JMJD1C: variants seen among roughly 807,000 people sequenced by gnomAD.
JMJD1C encodes the protein jumonji domain-containing protein 1C.
In JMJD1C, 31 loss-of-function variants were observed where a neutral mutation model predicts 245.3. That is an observed-to-expected ratio of 0.13 (90% CI 0.09 to 0.17). The LOEUF is 0.17. Ranked by LOEUF, JMJD1C falls within the 10% of genes least tolerant of loss-of-function variation. The probability of loss-of-function intolerance (pLI) is 1.00; values close to 1 mark genes in which losing one functional copy is unlikely to be tolerated. For missense variants in JMJD1C, 2,691 were observed against 3,000.2 expected, an observed-to-expected ratio of 0.90 and a Z score of 2.41; for synonymous variants, 1,057 against 1,017.4, an observed-to-expected ratio of 1.04 and a Z score of -0.74.
intron 1 of JMJD1C, among the ~76,000 whole-genome samples, chr10:63,497,638 T>A (rs1207795834): frequency 1.3e-5 from 2 of 152,212 alleles, no homozygotes. Context: ...TTACATGGTA[T>A]GTGAATTATG....
intron 2 of JMJD1C, among the ~76,000 whole-genome samples, chr10:63,333,826 A>G (rs756136907): frequency 1.9e-4 from 29 of 152,204 alleles, no homozygotes; most frequent in Non-Finnish European, 2.9e-4. Flanking sequence ...AATGAAACAT[A>G]AGGGTCATTT....
At chr10:63,284,172 G>A (rs144788584) in intron 2 of JMJD1C, among the ~76,000 whole-genome samples, 171 of 152,024 alleles carry the variant, frequency 1.1e-3, no homozygotes, top group African/African-American at 4.0e-3. Flanking sequence ...ATACAGGCGC[G>A]CACCAACACG....
intron 2 of JMJD1C, among the ~76,000 whole-genome samples, chr10:63,374,898 T>C (rs1946600142): frequency 1.4e-5 from 2 of 145,078 alleles, no homozygotes; most frequent in Admixed American, 1.3e-4. Flanking sequence ...ATTCATTTAT[T>C]AGTTCCAGTA....
intron 2 of JMJD1C, among the ~76,000 whole-genome samples, chr10:63,288,966 T>C (rs1193895558): frequency 2.0e-5 from 3 of 150,868 alleles, no homozygotes; most frequent in African/African-American, 7.3e-5. Context: ...TCTTTTTTCT[T>C]AATCCGACAT....
intron 1 of JMJD1C, among the ~76,000 whole-genome samples, chr10:63,459,183 A>G (rs1952619162): frequency 6.6e-6 from 1 of 152,208 alleles, no homozygotes; most frequent in Non-Finnish European, 1.5e-5. Flanking sequence ...TTTCTCCTAT[A>G]AGAAATACTC....
intron 2 of JMJD1C, among the ~76,000 whole-genome samples, chr10:63,339,651 C>T (rs1025493578): frequency 4.6e-5 from 7 of 151,638 alleles, no homozygotes; most frequent in South Asian, 2.1e-4. Context: ...GTAGGCCAGG[C>T]GCAGTGGCTC....
At chr10:63,285,849 T>C (rs558752398) in intron 2 of JMJD1C, among the ~76,000 whole-genome samples, 5 of 152,266 alleles carry the variant, frequency 3.3e-5, no homozygotes, top group Admixed American at 1.3e-4. Context: ...AAACCTTTCT[T>C]TTCTAAAAAG....
intron 3 of JMJD1C, among the ~76,000 whole-genome samples, chr10:63,243,103 T>TATATATATATATATATATATA (rs1851692218): frequency 8.3e-6 from 1 of 120,108 alleles, no homozygotes; most frequent in African/African-American, 3.1e-5. Flanking sequence ...CTAACATAAA[T>TATATATATATATATATATATA]TATATATATA....
At chr10:63,180,552 G>T (rs1564558836) in intron 22 of JMJD1C, among the ~76,000 whole-genome samples, 1 of 152,058 alleles carries the variant, frequency 6.6e-6, no homozygotes, top group Non-Finnish European at 1.5e-5. Context: ...AAAATTAAGG[G>T]CAATGTAAAA....
At chr10:63,328,287 AAAAG>A (rs201821229) in intron 2 of JMJD1C, among the ~76,000 whole-genome samples, 20,945 of 151,392 alleles carry the variant, frequency 0.14, 3,275 homozygotes, top group African/African-American at 0.39. Flanking sequence ...AAGAAAAAAA[AAAAG>A]AAAGAAAAGA....
intron 2 of JMJD1C, chr10:63,372,836 A>G (rs901476050): frequency 6.0e-6 from 1 of 166,842 alleles, no homozygotes; most frequent in African/African-American, 2.4e-5. Context: ...ACAGAGGTAC[A>G]AAACAAAGTT....
At chr10:63,343,317 G>C (rs1943536667) in intron 2 of JMJD1C, among the ~76,000 whole-genome samples, 2 of 149,962 alleles carry the variant, frequency 1.3e-5, no homozygotes, top group Non-Finnish European at 3.0e-5. Context: ...AGTGAGCCAA[G>C]ATCATACCAT....
intron 2 of JMJD1C, among the ~76,000 whole-genome samples, chr10:63,348,263 T>C (rs1944029850): frequency 6.6e-6 from 1 of 151,574 alleles, no homozygotes; most frequent in Non-Finnish European, 1.5e-5. Flanking sequence ...GTCCTGGCAT[T>C]TGACCAGGGC....
intron 1 of JMJD1C, among the ~76,000 whole-genome samples, chr10:63,458,632 C>G (rs1231692086): frequency 6.6e-6 from 1 of 152,134 alleles, no homozygotes; most frequent in Non-Finnish European, 1.5e-5. Context: ...TATTAGTATT[C>G]AAATAACAAT....
chr10:63,235,065 A>T (rs1398998148), intron 3 of JMJD1C, among the ~76,000 whole-genome samples: 1 of 152,214 alleles, frequency 6.6e-6, no homozygotes, highest in Non-Finnish European at 1.5e-5. Context: ...CACATTTAAG[A>T]AACAGACTTG....
Position 63,177,774 on chromosome 10 carries a change from A to G in JMJD1C, c.7167T>C (p.Ala2389=). 3 of 1,614,048 alleles carry G rather than the reference A, an allele frequency of 1.9e-6. No individual in the cohort carries two copies. Among genetic ancestry groups the G allele is most frequent in the Non-Finnish European group, 2.5e-6 (3 of 1,179,902 alleles). The change falls in exon 23 of 26, where the codon GCT becomes GCC. Residue 2389 remains alanine, a synonymous_variant. Coordinates refer to ENST00000399262, the MANE Select transcript of JMJD1C (RefSeq NM_032776.3). ...RLKDSSEIPG[A]LWHIYAGKDV... is the part of the protein sequence containing the mutation. ...CTTTCCCAGCATAAATATGCCACAG[A>G]GCACCAGGTATTTCACTTGAGTCCT... is the stretch of plus-strand genomic sequence containing the variant.
At chr10:63,444,304 C>T (rs1277648665) in intron 1 of JMJD1C, among the ~76,000 whole-genome samples, 1 of 151,920 alleles carries the variant, frequency 6.6e-6, no homozygotes, top group Admixed American at 6.6e-5. Flanking sequence ...GATAGAGTCT[C>T]ACTCTGTCAC....
chr10:63,434,326 T>G (rs561240822), intron 1 of JMJD1C, among the ~76,000 whole-genome samples: 1 of 152,148 alleles, frequency 6.6e-6, no homozygotes, highest in African/African-American at 2.4e-5. Flanking sequence ...CAAACGGCAA[T>G]GGACTAGGTT....
intron 1 of JMJD1C, among the ~76,000 whole-genome samples, chr10:63,420,385 T>TC (rs1950052425): frequency 1.3e-5 from 2 of 151,092 alleles, no homozygotes; most frequent in Admixed American, 1.3e-4. Context: ...CTCAAATGGG[T>TC]CTTTAAGGCC....
Sources: allele counts gnomAD v4.1 joint callset (sites outside exome capture counted in the v4.1 genomes callset), GRCh38; gene constraint gnomAD v4.1.1; transcripts MANE v1.5; gene names NCBI Gene and HGNC (gene_info 2026-07-23, HGNC 2026-07-21).